The following CDH10 variants were observed in gnomAD, a reference collection of about 807,000 sequenced individuals.
CDH10 encodes the protein cadherin 10, also known as cadherin-10.
A neutral mutation model predicts 73.1 loss-of-function variants in CDH10; 30 were observed. The ratio of observed to expected loss-of-function variants is 0.41; its 90% CI spans 0.31 to 0.56. CDH10 has a LOEUF of 0.56. CDH10 is among the 20% of genes least tolerant of loss of function. The pLI is 0.27. For synonymous variants in CDH10, 345 were observed against 348.2 expected, an observed-to-expected ratio of 0.99 and a Z score of 0.10; for missense variants, 815 against 973.7, an observed-to-expected ratio of 0.84 and a Z score of 2.17.
At position 24,593,517 on chromosome 5, in the gene CDH10, T is replaced by A; in HGVS notation, c.-27A>T. On this transcript the variant is annotated 5_prime_UTR_variant, in exon 2 of 12. Coordinates refer to ENST00000264463, the MANE Select transcript of CDH10 (RefSeq NM_006727.5). The stretch of plus-strand genomic sequence containing the variant: ...GTTCACTTCTTGACAAATCCCAGTG[T>A]AGATGAAGAGAAGTGGTCCTATTTT... 1.5e-6 allele frequency: 2 copies of A among 1,313,340 alleles called. No individual in the cohort carries two copies. Among genetic ancestry groups the A allele is most frequent in the Non-Finnish European group, 2.2e-6 (2 of 907,528 alleles). 81.4% of individuals were successfully genotyped at this position (1,313,340 alleles called of 1,614,324 possible). A position where few individuals can be genotyped will look rare whatever the true frequency, so the allele number is the denominator to read the frequency against.
At chr5:24,595,922 G>C (rs772898674) in intron 1 of CDH10, among the ~76,000 whole-genome samples, 2 of 151,844 alleles carry the variant, frequency 1.3e-5, no homozygotes, top group Non-Finnish European at 2.9e-5. Flanking sequence ...CCACATGCAT[G>C]AGATCATTTC....
At chr5:24,581,539 C>T (rs1248496184) in intron 2 of CDH10, among the ~76,000 whole-genome samples, 2 of 152,274 alleles carry the variant, frequency 1.3e-5, no homozygotes, top group East Asian at 1.9e-4. Flanking sequence ...ATGCAAGCTT[C>T]GTGAGGACAG....
chr5:24,591,748 T>TA (rs1340199626), intron 2 of CDH10, among the ~76,000 whole-genome samples: 3 of 151,934 alleles, frequency 2.0e-5, no homozygotes, highest in Non-Finnish European at 4.4e-5. Flanking sequence ...GTACAGTTCT[T>TA]GATTTCAAGG....
At chr5:24,503,710 TGATAACTTTG>T (rs2111715742) in intron 8 of CDH10, among the ~76,000 whole-genome samples, 1 of 152,318 alleles carries the variant, frequency 6.6e-6, no homozygotes, top group South Asian at 2.1e-4. Flanking sequence ...ACCTCTGACA[TGATAACTTTG>T]GACAAGTTAC....
intron 2 of CDH10, among the ~76,000 whole-genome samples, chr5:24,563,794 AAAAAAG>A (rs1561165829): frequency 8.9e-6 from 1 of 112,956 alleles, no homozygotes; most frequent in Non-Finnish European, 1.9e-5. Flanking sequence ...AAAAAAAAAA[AAAAAAG>A]AGAAAAAAAC....
intron 5 of CDH10, among the ~76,000 whole-genome samples, chr5:24,526,678 T>G (rs545192510): frequency 1.3e-5 from 2 of 152,042 alleles, no homozygotes; most frequent in Admixed American, 1.3e-4. Flanking sequence ...ATTCCTCTTC[T>G]CTTCAGCATT....
chr5:24,569,529 A>T (rs1745292249), intron 2 of CDH10, among the ~76,000 whole-genome samples: 1 of 152,168 alleles, frequency 6.6e-6, no homozygotes, highest in South Asian at 2.1e-4. Flanking sequence ...AACTCATTGA[A>T]ATATTTTGAA....
chr5:24,553,410 C>T (rs1452663590), intron 2 of CDH10, among the ~76,000 whole-genome samples: 1 of 152,000 alleles, frequency 6.6e-6, no homozygotes, highest in Non-Finnish European at 1.5e-5. Context: ...TTTTCTTGCT[C>T]AGTCATTTTG....
chr5:24,619,195 A>AC (rs1747225215), intron 1 of CDH10, among the ~76,000 whole-genome samples: 1 of 147,766 alleles, frequency 6.8e-6, no homozygotes. Flanking sequence ...GATTTAGATG[A>AC]TTTTTTTTTT....
chr5:24,503,996 G>A (rs965988494), intron 8 of CDH10, among the ~76,000 whole-genome samples: 1 of 151,960 alleles, frequency 6.6e-6, no homozygotes, highest in Non-Finnish European at 1.5e-5. Flanking sequence ...CAAATTTAAT[G>A]TTTTTAATTT....
intron 2 of CDH10, among the ~76,000 whole-genome samples, chr5:24,586,434 C>CT (rs35486231): frequency 0.13 from 12,589 of 99,752 alleles, 1,623 homozygotes; most frequent in African/African-American, 0.31. Flanking sequence ...TTATTAACTC[C>CT]TTTTTTTTTT....
At chr5:24,567,004 C>T (rs1281886417) in intron 2 of CDH10, among the ~76,000 whole-genome samples, 1 of 151,980 alleles carries the variant, frequency 6.6e-6, no homozygotes, top group Non-Finnish European at 1.5e-5. Flanking sequence ...ATCCCAACTG[C>T]CCAATAAAAT....
At chr5:24,585,925 G>T (rs1006135047) in intron 2 of CDH10, among the ~76,000 whole-genome samples, 1 of 152,148 alleles carries the variant, frequency 6.6e-6, no homozygotes, top group Admixed American at 6.5e-5. Context: ...ACTAGATTTG[G>T]TGCTAAGCCT....
chr5:24,487,586 G>C lies in CDH10; in HGVS notation c.*77C>G, dbSNP rs1283297239. On this transcript the variant is annotated 3_prime_UTR_variant, in exon 12 of 12. Transcript: ENST00000264463. Reference sequence around the variant, plus strand: ...TGCTGACTGGCAGGAAAATGCTCCTGAATATCAAATATTGTGAAGTGGAGA... The same window carrying C: ...TGCTGACTGGCAGGAAAATGCTCCTCAATATCAAATATTGTGAAGTGGAGA... 1 of 1,415,116 alleles carries C rather than the reference G, an allele frequency of 7.1e-7. No individual in the cohort carries two copies. Among genetic ancestry groups the C allele is most frequent in the African/African-American group, 1.4e-5 (1 of 69,562 alleles). The allele number at this position is 1,415,116 out of a possible 1,614,324, so 87.7% of individuals were successfully genotyped here.
intron 10 of CDH10, 81 bp downstream of exon 10, chr5:24,492,736 C>T: frequency 1.4e-6 from 1 of 712,772 alleles, no homozygotes; most frequent in South Asian, 1.6e-5. Flanking sequence ...ATTGATATGG[C>T]ATATATATTG....
At chr5:24,563,478 G>A (rs1234797446) in intron 2 of CDH10, among the ~76,000 whole-genome samples, 5 of 149,468 alleles carry the variant, frequency 3.3e-5, no homozygotes, top group Admixed American at 1.3e-4. Flanking sequence ...GTAAACAGCC[G>A]GGCGCGGTGG....
intron 2 of CDH10, among the ~76,000 whole-genome samples, chr5:24,564,628 G>A (rs761260654): frequency 9.2e-5 from 14 of 152,196 alleles, no homozygotes; most frequent in Non-Finnish European, 1.5e-4. Flanking sequence ...GAATAAATAC[G>A]TTTAAAACAT....
In CDH10 at chr5:24,623,891, C is replaced by CT. The variant is rs1323519788; in HGVS notation, c.-124+20702dup. On this transcript the variant is annotated intron_variant, in intron 1 of 11. Coordinates refer to ENST00000264463, the MANE Select transcript of CDH10 (RefSeq NM_006727.5). Reference sequence around the variant, plus strand: ...AAAATGAAAAATGTATCACTCAAAACTTTTTTTTGTTTTCTGAACTGTACC... The same window carrying CT: ...AAAATGAAAAATGTATCACTCAAAACTTTTTTTTTGTTTTCTGAACTGTACC... Among the ~76,000 whole-genome samples, 9 of 152,000 alleles carry CT rather than the reference C, an allele frequency of 5.9e-5. 1 individual carries two copies. Among genetic ancestry groups the CT allele is most frequent in the South Asian group, 4.2e-4 (2 of 4,812 alleles).
In CDH10 at chr5:24,487,785, T is replaced by G; in HGVS notation, c.2245A>C (p.Ser749Arg). 6.2e-7 allele frequency: 1 copy of G among 1,613,972 alleles called. No individual in the cohort carries two copies. The highest frequency in any genetic ancestry group is 8.5e-7 in the Non-Finnish European group (1 of 1,179,930). Residue 749 changes from serine (S) to arginine (R), a missense_variant, in exon 12 of 12, where the codon AGT becomes CGT. Transcript: ENST00000264463. ...EGNDSIAESL[S>R]SLESGTTEGD... The stretch of plus-strand genomic sequence containing the variant: ...TCAGTAGTACCTGATTCTAATGAAC[T>G]CAGAGATTCAGCAATGGAATCATTT...
Sources: gnomAD v4.1 joint callset for allele counts (sites outside exome capture counted in the v4.1 genomes callset) on GRCh38, gnomAD v4.1.1 for gene constraint, MANE v1.5 for transcripts, NCBI Gene and HGNC (gene_info 2026-07-23, HGNC 2026-07-21) for gene names.